ANKS1B: variants seen among roughly 807,000 people sequenced by gnomAD.
ANKS1B encodes the protein ankyrin repeat and sterile alpha motif domain containing 1B, also known as ankyrin repeat and sterile alpha motif domain-containing protein 1B.
In ANKS1B, 36 loss-of-function variants were observed where a neutral mutation model predicts 148.3. The ratio of observed to expected loss-of-function variants is 0.24; its 90% CI spans 0.19 to 0.32. ANKS1B has a LOEUF of 0.32. Among genes scored for constraint, ANKS1B ranks in the 10% least tolerant of loss-of-function variants. ANKS1B has a pLI of 1.00. For missense variants in ANKS1B, 1,157 were observed against 1,542.6 expected (o/e 0.75, Z 4.19); for synonymous variants, 542 against 560.8 (o/e 0.97, Z 0.47).
intron 12 of ANKS1B, among the ~76,000 whole-genome samples, chr12:99,301,394 G>A (rs993303501): frequency 1.3e-5 from 2 of 152,046 alleles, no homozygotes; most frequent in Non-Finnish European, 2.9e-5. Context: ...GACAAACTAA[G>A]TTATCTTTTT....
intron 17 of ANKS1B, among the ~76,000 whole-genome samples, chr12:99,022,956 T>C (rs1185057856): frequency 6.6e-6 from 1 of 152,196 alleles, no homozygotes; most frequent in African/African-American, 2.4e-5. Context: ...TGTCAGATGT[T>C]CATAGGCTTG....
intron 17 of ANKS1B, among the ~76,000 whole-genome samples, chr12:99,027,206 G>C (rs1011843077): frequency 1.3e-5 from 2 of 152,196 alleles, no homozygotes; most frequent in Non-Finnish European, 2.9e-5. Flanking sequence ...TCCTTCAGAC[G>C]TTTAATATGT....
In ANKS1B at chr12:99,266,639, T is replaced by C. The variant is rs140631280; in HGVS notation, c.1757-19775A>G. On this transcript the variant is annotated intron_variant, in intron 12 of 26. Coordinates refer to ENST00000683438, the MANE Select transcript of ANKS1B (RefSeq NM_001352186.2). ...ACATTTCGGAGGGTGTCCTTACATCTCATCATTTATCACACAGTGGGTTAT... is the reference window on the plus strand; with the variant it reads ...ACATTTCGGAGGGTGTCCTTACATCCCATCATTTATCACACAGTGGGTTAT... Among the ~76,000 whole-genome samples, 194 of 152,250 alleles carry C rather than the reference T, an allele frequency of 1.3e-3. 1 individual carries two copies. Among genetic ancestry groups the C allele is most frequent in the Non-Finnish European group, 2.1e-3 (141 of 68,004 alleles).
At chr12:98,859,056 G>A (rs1309218970) in intron 17 of ANKS1B, among the ~76,000 whole-genome samples, 1 of 152,196 alleles carries the variant, frequency 6.6e-6, no homozygotes, top group Non-Finnish European at 1.5e-5. Flanking sequence ...GGAACGCTGT[G>A]TGTAGTTTGT....
At chr12:99,607,387 T>TC (rs916929096) in intron 9 of ANKS1B, among the ~76,000 whole-genome samples, 68 of 151,758 alleles carry the variant, frequency 4.5e-4, no homozygotes, top group African/African-American at 1.6e-3. Context: ...TTTTTTTTTT[T>TC]CCCCCATGAC....
intron 9 of ANKS1B, among the ~76,000 whole-genome samples, chr12:99,570,827 A>T (rs1263864766): frequency 6.6e-6 from 1 of 152,120 alleles, no homozygotes; most frequent in Non-Finnish European, 1.5e-5. Context: ...TTTAGAGATC[A>T]ATTGTTAAAG....
At chr12:99,405,183 G>A (rs546218033) in intron 11 of ANKS1B, among the ~76,000 whole-genome samples, 22 of 145,448 alleles carry the variant, frequency 1.5e-4, no homozygotes, top group Admixed American at 1.1e-3. Context: ...AGAAAATGAC[G>A]TTAATGAGCA....
intron 17 of ANKS1B, among the ~76,000 whole-genome samples, chr12:99,025,525 CT>C (rs1324262951): frequency 1.3e-5 from 2 of 152,144 alleles, no homozygotes; most frequent in Non-Finnish European, 2.9e-5. Context: ...CAGGCTGTTG[CT>C]TTTTCATGTG....
intron 9 of ANKS1B, among the ~76,000 whole-genome samples, chr12:99,570,069 C>G (rs1170184041): frequency 6.6e-6 from 1 of 152,130 alleles, no homozygotes. Flanking sequence ...CTTTTGGTTG[C>G]TCTGGTAAGG....
intron 12 of ANKS1B, among the ~76,000 whole-genome samples, chr12:99,261,078 A>C (rs1247091495): frequency 6.6e-6 from 1 of 152,194 alleles, no homozygotes; most frequent in Non-Finnish European, 1.5e-5. Flanking sequence ...AAATATGGAA[A>C]GTGGTGTTCT....
intron 11 of ANKS1B, among the ~76,000 whole-genome samples, chr12:99,440,860 T>C (rs1195175656): frequency 1.3e-5 from 2 of 151,806 alleles, no homozygotes; most frequent in African/African-American, 2.4e-5. Context: ...AAGGAACCAA[T>C]TTGCTACATC....
intron 4 of ANKS1B, among the ~76,000 whole-genome samples, chr12:99,800,448 A>AG (rs2066807688): frequency 6.6e-6 from 1 of 151,796 alleles, no homozygotes; most frequent in East Asian, 1.9e-4. Flanking sequence ...AGCCAAAAAA[A>AG]AAAAAAAAAA....
intron 17 of ANKS1B, among the ~76,000 whole-genome samples, chr12:98,982,944 G>A (rs770175196): frequency 3.0e-4 from 46 of 152,210 alleles, no homozygotes; most frequent in Non-Finnish European, 5.1e-4. Context: ...AACTTTAGTA[G>A]ATTATGCCAA....
chr12:99,142,853 G>A lies in ANKS1B; in HGVS notation c.2526+11436C>T, dbSNP rs539900092. 3.9e-5 allele frequency among the ~76,000 whole-genome samples: 6 copies of A among 152,158 alleles called. No homozygotes were observed. In the South Asian group the frequency reaches 1.2e-3, roughly 32 times the overall value. On this transcript the variant is annotated intron_variant, in intron 15 of 26. Coordinates refer to ENST00000683438, the MANE Select transcript of ANKS1B (RefSeq NM_001352186.2). ...TTTGCTTGCTTCCTTTTGAAACAGT[G>A]AGGGATTTCTGGATGTTTGCCAGCC...
intron 1 of ANKS1B, among the ~76,000 whole-genome samples, chr12:99,836,014 TTGAA>T (rs2084803782): frequency 6.6e-6 from 1 of 152,206 alleles, no homozygotes; most frequent in South Asian, 2.1e-4. Context: ...TATGAGTTTA[TTGAA>T]TGAATATTTA....
chr12:99,484,764 G>GTTT (rs565634931), intron 10 of ANKS1B, among the ~76,000 whole-genome samples: 3 of 63,728 alleles, frequency 4.7e-5, no homozygotes, highest in African/African-American at 1.5e-4. Flanking sequence ...GTGTGTGTGT[G>GTTT]TTTTTTTTTT....
intron 8 of ANKS1B, among the ~76,000 whole-genome samples, chr12:99,692,270 G>T (rs2098683268): frequency 6.6e-6 from 1 of 152,136 alleles, no homozygotes; most frequent in African/African-American, 2.4e-5. Context: ...GGTGAGAATT[G>T]AAGAAGGCTG....
chr12:99,149,914 G>A (rs1221384352), intron 15 of ANKS1B, among the ~76,000 whole-genome samples: 2 of 152,168 alleles, frequency 1.3e-5, no homozygotes, highest in East Asian at 3.8e-4. Flanking sequence ...GTGGTGTAGT[G>A]TGTGTGCACC....
chr12:98,890,014 GA>G (rs967591800), intron 17 of ANKS1B, among the ~76,000 whole-genome samples: 1 of 152,138 alleles, frequency 6.6e-6, no homozygotes, highest in Non-Finnish European at 1.5e-5. Flanking sequence ...CGAACGAGAG[GA>G]AAGAAGAAAT....
Sources: gnomAD v4.1 joint callset for allele counts (sites outside exome capture counted in the v4.1 genomes callset) on GRCh38, gnomAD v4.1.1 for gene constraint, MANE v1.5 for transcripts, NCBI Gene and HGNC (gene_info 2026-07-23, HGNC 2026-07-21) for gene names.